Variants in ZNF189 observed in about 807,000 individuals in gnomAD.
ZNF189 encodes zinc finger protein 189.
ZNF189 carries 33 observed loss-of-function variants against 53.5 expected under a neutral mutation model. That is an observed-to-expected ratio of 0.62 (90% confidence interval 0.47 to 0.82). The LOEUF is 0.82. Ranked by LOEUF, ZNF189 falls within the 40% of genes least tolerant of loss-of-function variation. ZNF189 has a pLI of 0.00. For synonymous variants in ZNF189, 247 were observed against 238.8 expected (o/e 1.03, Z -0.32); for missense variants, 711 against 753.9 (o/e 0.94, Z 0.67).
rs747164193 is a variant in ZNF189 at position 101,399,956 on chromosome 9, A to G, written c.106A>G (p.Arg36Gly). The change falls in exon 2 of 3, where the codon AGA becomes GGA. Residue 36 changes from arginine to glycine, a missense_variant. Coordinates refer to ENST00000339664, the MANE Select transcript of ZNF189 (RefSeq NM_003452.4). ...GTGGGATTATCTGGACCCAGCTCAG[A>G]GAAGCCTGTATAAAGATGTCATGAT... Reference protein sequence around the residue: ...EEWDYLDPAQRSLYKDVMMEN... With the variant: ...EEWDYLDPAQGSLYKDVMMEN... 6.2e-7 allele frequency: 1 copy of G among 1,614,176 alleles called. No homozygotes were observed. Among genetic ancestry groups the G allele is most frequent in the South Asian group, 1.1e-5 (1 of 91,084 alleles).
intron 2 of ZNF189, among the ~76,000 whole-genome samples, chr9:101,406,525 G>A (rs913942093): frequency 6.6e-6 from 1 of 152,084 alleles, no homozygotes; most frequent in Non-Finnish European, 1.5e-5. Context: ...AGAAAATACA[G>A]CCCACTGAAA....
Position 101,400,017 on chromosome 9 carries a change from A to G in ZNF189, c.160+7A>G, listed in dbSNP as rs1830476608. The G allele has an allele frequency of 1.2e-6, 2 of 1,612,116 alleles. No homozygotes were observed. The highest frequency in any genetic ancestry group is 1.7e-6 in the Non-Finnish European group (2 of 1,179,486). On this transcript the variant is annotated splice_region_variant and intron_variant, in intron 2 of 2. Coordinates refer to ENST00000339664, the MANE Select transcript of ZNF189 (RefSeq NM_003452.4). ...GGAAACCTGGTCTCACTGGGTAAGA[A>G]TCTGCTGTTTCTCTAATTAAAATAT...
chr9:101,401,736 A>G (rs966681185), intron 2 of ZNF189, among the ~76,000 whole-genome samples: 44 of 152,238 alleles, frequency 2.9e-4, no homozygotes, highest in African/African-American at 1.1e-3. Context: ...GTAACACGTC[A>G]TTGTCAAATG....
In ZNF189 at chr9:101,409,997, A is replaced by G. The variant is rs1830882703; in HGVS notation, c.*348A>G. On this transcript the variant is annotated 3_prime_UTR_variant, in exon 3 of 3. Transcript: ENST00000339664. ...AGTGGAAAACAGAATAATGATTCAA[A>G]GAGTCTTCTGTCACCATGTCATATT... The G allele has an allele frequency of 5.2e-6, 1 of 190,498 alleles. No individual in the cohort carries two copies. Among genetic ancestry groups the G allele is most frequent in the African/African-American group, 2.4e-5 (1 of 42,414 alleles). 11.8% of individuals were successfully genotyped at this position (190,498 alleles called of 1,614,324 possible). A position where few individuals can be genotyped will look rare whatever the true frequency, so the allele number is the denominator to read the frequency against.
chr9:101,408,663 C>G lies in ZNF189; in HGVS notation c.895C>G (p.Arg299Gly). Residue 299 changes from arginine to glycine, a missense_variant, in exon 3 of 3, where the codon CGA becomes GGA. Transcript: ENST00000339664. ...TACCAAATGTAAGAAGAGCTTTAGT[C>G]GAAATTCATTGCTTGTTGAGCATCA... ...HCTKCKKSFSRNSLLVEHQRI... is the reference protein window; with the variant it reads ...HCTKCKKSFSGNSLLVEHQRI... 6.2e-7 allele frequency: 1 copy of G among 1,614,016 alleles called. No individual in the cohort carries two copies. The highest frequency in any genetic ancestry group is 8.5e-7 in the Non-Finnish European group (1 of 1,179,996).
rs1830462387 is a variant in ZNF189 at position 101,399,774 on chromosome 9, A to G, written c.34-110A>G. On this transcript the variant is annotated intron_variant, in intron 1 of 2. Transcript: ENST00000339664. ...GCAACATATGGAACTTTCAGTTATCATGTTCCTCCTAGCCTACTTGGCCAC... is the reference window on the plus strand; with the variant it reads ...GCAACATATGGAACTTTCAGTTATCGTGTTCCTCCTAGCCTACTTGGCCAC... 4 of 1,527,588 alleles carry G rather than the reference A, an allele frequency of 2.6e-6. No individual in the cohort carries two copies. The East Asian group carries it at 6.8e-5, about 26-fold the overall frequency. 94.6% of individuals were successfully genotyped at this position (1,527,588 alleles called of 1,614,324 possible).
chr9:101,399,968 A>G lies in ZNF189; in HGVS notation c.118A>G (p.Lys40Glu), dbSNP rs200213410. The G allele has an allele frequency of 1.5e-5, 24 of 1,614,186 alleles. No homozygotes were observed. The highest frequency in any genetic ancestry group is 1.9e-5 in the Non-Finnish European group (22 of 1,180,028). Reference sequence around the variant, plus strand: ...GGACCCAGCTCAGAGAAGCCTGTATAAAGATGTCATGATGGAGAATTATGG... The same window carrying G: ...GGACCCAGCTCAGAGAAGCCTGTATGAAGATGTCATGATGGAGAATTATGG... Reference protein sequence around the residue: ...YLDPAQRSLYKDVMMENYGNL... With the variant: ...YLDPAQRSLYEDVMMENYGNL... The change falls in exon 2 of 3, where the codon AAA becomes GAA. Residue 40 changes from lysine (K) to glutamate (E), a missense_variant. Transcript: ENST00000339664.
chr9:101,401,411 C>T (rs1830528622), intron 2 of ZNF189, among the ~76,000 whole-genome samples: 1 of 152,228 alleles, frequency 6.6e-6, no homozygotes, highest in Non-Finnish European at 1.5e-5. Flanking sequence ...ATCTTCTCAC[C>T]TTTCCAGAAA....
Position 101,399,611 on chromosome 9 carries a change from A to T in ZNF189, c.34-273A>T, listed in dbSNP as rs528175767. 118 of 1,303,206 alleles carry T rather than the reference A, an allele frequency of 9.1e-5. 1 individual carries two copies. The South Asian group carries it at 1.9e-3, about 21-fold the overall frequency. The allele number at this position is 1,303,206 out of a possible 1,614,324, so 80.7% of individuals were successfully genotyped here. ...AAATGGAAAATTGAAGTAGGCAATG[A>T]GGTGAGGGAAGCTTGGAGAGGCCTT... On this transcript the variant is annotated intron_variant, in intron 1 of 2. Transcript: ENST00000339664.
At chr9:101,400,754 C>A (rs1830503100) in intron 2 of ZNF189, among the ~76,000 whole-genome samples, 1 of 152,186 alleles carries the variant, frequency 6.6e-6, no homozygotes, top group Non-Finnish European at 1.5e-5. Flanking sequence ...TTGATCATAC[C>A]AGTTTTGTCA....
chr9:101,403,354 C>T (rs146263516), intron 2 of ZNF189, among the ~76,000 whole-genome samples: 37 of 152,290 alleles, frequency 2.4e-4, no homozygotes, highest in Admixed American at 3.9e-4. Flanking sequence ...TCTCCTCCCA[C>T]AGTCTTTTCA....
chr9:101,408,163 A>G lies in ZNF189; in HGVS notation c.395A>G (p.Glu132Gly), dbSNP rs779659359. 1.2e-6 allele frequency: 2 copies of G among 1,614,158 alleles called. No homozygotes were observed. The highest frequency in any genetic ancestry group is 1.7e-6 in the Non-Finnish European group (2 of 1,180,030). ...SLTQEQRMFR[E>G]NTNIIRKRPN... is the part of the protein sequence containing the mutation. ...ACCCAGGAACAGAGAATGTTCAGAG[A>G]AAACACTAACATTATCCGTAAAAGA... Residue 132 changes from glutamate (E) to glycine (G), a missense_variant, in exon 3 of 3, where the codon GAA (glutamate) becomes GGA (glycine). Glu to Gly is a moderately conservative substitution (Grantham distance 98, BLOSUM62 -2). Transcript: ENST00000339664.
In ZNF189 at chr9:101,408,478, G is replaced by A. The variant is rs1830803867; in HGVS notation, c.710G>A (p.Cys237Tyr). Reference sequence around the variant, plus strand: ...GAAAGACCCTATCAGTGTAATCAGTGTAAACAGAGCTTCAGCCAGAGAAGG... The same window carrying A: ...GAAAGACCCTATCAGTGTAATCAGTATAAACAGAGCTTCAGCCAGAGAAGG... ...TGERPYQCNQ[C>Y]KQSFSQRRSL... The change falls in exon 3 of 3, where the codon TGT (cysteine) becomes TAT (tyrosine). Residue 237 changes from cysteine to tyrosine, a missense_variant. By Grantham distance (194) the Cys-to-Tyr change is radical. Coordinates refer to ENST00000339664, the MANE Select transcript of ZNF189 (RefSeq NM_003452.4). 3 of 1,613,998 alleles carry A rather than the reference G, an allele frequency of 1.9e-6. No individual in the cohort carries two copies. Among genetic ancestry groups the A allele is most frequent in the Admixed American group, 3.3e-5 (2 of 60,006 alleles).
Position 101,399,307 on chromosome 9 carries a change from G to A in ZNF189, c.33+118G>A, listed in dbSNP as rs1830442127. 5.6e-6 allele frequency: 8 copies of A among 1,433,386 alleles called. No individual in the cohort carries two copies. In the South Asian group the frequency reaches 7.3e-5, roughly 13 times the overall value. The allele number at this position is 1,433,386 out of a possible 1,614,324, so 88.8% of individuals were successfully genotyped here. Reference sequence around the variant, plus strand: ...TCCTGACCGCCTCTTTAGGGCCAGCGCCTTGCAAGGAACTCCCCACTAGTG... The same window carrying A: ...TCCTGACCGCCTCTTTAGGGCCAGCACCTTGCAAGGAACTCCCCACTAGTG... On this transcript the variant is annotated intron_variant, in intron 1 of 2. Coordinates refer to ENST00000339664, the MANE Select transcript of ZNF189 (RefSeq NM_003452.4).
intron 2 of ZNF189, among the ~76,000 whole-genome samples, chr9:101,405,105 A>T (rs916757900): frequency 6.6e-6 from 1 of 152,230 alleles, no homozygotes; most frequent in Non-Finnish European, 1.5e-5. Flanking sequence ...ATAAAGTATG[A>T]TAAAGTAGGT....
In ZNF189 at chr9:101,410,276, C is replaced by G. The variant is rs1166528395; in HGVS notation, c.*627C>G. ...TTATGTTAGTAATTAAGAAACCTAACAAAGGTGTTACCAAGGAACCTTTGG... is the reference window on the plus strand; with the variant it reads ...TTATGTTAGTAATTAAGAAACCTAAGAAAGGTGTTACCAAGGAACCTTTGG... On this transcript the variant is annotated 3_prime_UTR_variant, in exon 3 of 3. Transcript: ENST00000339664. The G allele has an allele frequency of 6.6e-6, 1 of 152,590 alleles. No individual in the cohort carries two copies. The highest frequency in any genetic ancestry group is 2.4e-5 in the African/African-American group (1 of 41,440). The allele number at this position is 152,590 out of a possible 1,614,324, so 9.5% of individuals were successfully genotyped here. A position where few individuals can be genotyped will look rare whatever the true frequency, so the allele number is the denominator to read the frequency against.
chr9:101,408,367 G>A lies in ZNF189; in HGVS notation c.599G>A (p.Gly200Glu). Residue 200 changes from glycine to glutamate, a missense_variant, in exon 3 of 3, where the codon GGG becomes GAG. Gly to Glu is a moderately conservative substitution (Grantham distance 98). Transcript: ENST00000339664. ...ATTGAACATCAGAGAATTCACACTG[G>A]GGAAAGGCCCTATGAGTGTAATTAC... is the stretch of plus-strand genomic sequence containing the variant. ...FVIEHQRIHTGERPYECNYCG... is the reference protein window; with the variant it reads ...FVIEHQRIHTEERPYECNYCG... 1.2e-6 allele frequency: 2 copies of A among 1,614,116 alleles called. No individual in the cohort carries two copies. Among genetic ancestry groups the A allele is most frequent in the South Asian group, 1.1e-5 (1 of 91,086 alleles).
At chr9:101,404,208 A>G (rs771933557) in intron 2 of ZNF189, among the ~76,000 whole-genome samples, 1 of 152,166 alleles carries the variant, frequency 6.6e-6, no homozygotes, top group African/African-American at 2.4e-5. Flanking sequence ...CTGTTGACCT[A>G]TTTATTTTTA....
Sources: gnomAD v4.1 joint callset for allele counts (sites outside exome capture counted in the v4.1 genomes callset) on GRCh38, gnomAD v4.1.1 for gene constraint, MANE v1.5 for transcripts, NCBI Gene and HGNC (gene_info 2026-07-23, HGNC 2026-07-21) for gene names.